CAMK2G: variants seen among roughly 807,000 people sequenced by gnomAD.
CAMK2G encodes calcium/calmodulin dependent protein kinase II gamma, also known as calcium/calmodulin-dependent protein kinase type II subunit gamma.
CAMK2G carries 23 observed loss-of-function variants against 88.7 expected under a neutral mutation model. The ratio of observed to expected loss-of-function variants is 0.26; its 90% CI spans 0.19 to 0.37. The LOEUF (loss-of-function observed/expected upper bound fraction) is 0.37. Ranked by LOEUF, CAMK2G falls within the 10% of genes least tolerant of loss-of-function variation. CAMK2G has a pLI of 1.00. For missense variants in CAMK2G, 476 were observed against 780.8 expected (o/e 0.61, Z 4.65); for synonymous variants, 263 against 294.8 (o/e 0.89, Z 1.11).
chr10:73,816,375 G>A, intron 21 of CAMK2G: 1 of 1,007,232 alleles, frequency 9.9e-7, no homozygotes, highest in Non-Finnish European at 1.2e-6. Flanking sequence ...CAGACACAGA[G>A]CTTAGTTCTT....
chr10:73,818,419 G>A, intron 19 of CAMK2G: 1 of 308,690 alleles, frequency 3.2e-6, no homozygotes, highest in Non-Finnish European at 6.5e-6. Flanking sequence ...ACCAGCAGGG[G>A]CTGCCACCAG....
chr10:73,821,359 G>A (rs934138564), intron 18 of CAMK2G, among the ~76,000 whole-genome samples: 4 of 152,288 alleles, frequency 2.6e-5, no homozygotes, highest in Non-Finnish European at 4.4e-5. Flanking sequence ...TACTTCGGCA[G>A]GGACTTGGGG....
Position 73,839,588 on chromosome 10 carries a change from G to C in CAMK2G, c.960C>G (p.Ser320Arg). Residue 320 changes from serine to arginine, a missense_variant, in exon 13 of 23, where the codon AGC becomes AGG. By Grantham distance (110) the Ser-to-Arg change is moderately radical. Transcript: ENST00000423381. The surrounding 1 kb of genome is among the most constrained non-coding windows in gnomAD (Gnocchi z 4.2). ...TCGCGGCAGGCGAGGCGGGGGCGGAGCTCTGCCTGCCAACTGAGGGGATAC... is the reference window on the plus strand; with the variant it reads ...TCGCGGCAGGCGAGGCGGGGGCGGACCTCTGCCTGCCAACTGAGGGGATAC... ...VSRNFSVGRQ[S>R]SAPASPAASA... 1 of 1,233,488 alleles carries C rather than the reference G, an allele frequency of 8.1e-7. No individual in the cohort carries two copies. The allele number at this position is 1,233,488 out of a possible 1,614,324, so 76.4% of individuals were successfully genotyped here. A position where few individuals can be genotyped will look rare whatever the true frequency, so the allele number is the denominator to read the frequency against.
chr10:73,814,625 G>C lies in CAMK2G; in HGVS notation c.*13-120C>G, dbSNP rs551469884. On this transcript the variant is annotated intron_variant, in intron 22 of 22. Transcript: ENST00000423381. ...CGGCCTGAGAAGGTGGGGAAAGTGG[G>C]TGAAGCTAATGCTTAAATACAAAAC... is the stretch of plus-strand genomic sequence containing the variant. The C allele has an allele frequency of 5.3e-5, 11 of 206,836 alleles. No individual in the cohort carries two copies. The South Asian group carries it at 9.8e-4, about 18-fold the overall frequency. The allele number at this position is 206,836 out of a possible 1,614,324, so 12.8% of individuals were successfully genotyped here. A position where few individuals can be genotyped will look rare whatever the true frequency, so the allele number is the denominator to read the frequency against.
chr10:73,853,122 C>A, intron 4 of CAMK2G, 70 bp downstream of exon 4: 1 of 1,443,536 alleles, frequency 6.9e-7, no homozygotes, highest in Non-Finnish European at 9.8e-7. Flanking sequence ...CTGTTTAGGC[C>A]TCTTCCTGAG....
rs1308478175 is a variant in CAMK2G at position 73,824,042 on chromosome 10, T to C, written c.1198A>G (p.Lys400Glu). The C allele has an allele frequency of 6.2e-7, 1 of 1,612,990 alleles. No homozygotes were observed. The highest frequency in any genetic ancestry group is 1.1e-5 in the South Asian group (1 of 91,036). Residue 400 changes from lysine to glutamate, a missense_variant and splice_region_variant, in exon 17 of 23, where the codon AAG becomes GAG. Physicochemically the swap from Lys to Glu is moderately conservative, Grantham distance 56. This residue lies in a region of CAMK2G where 278 missense variants were observed against 366.5 expected (regional missense o/e 0.76). Coordinates refer to ENST00000423381, the MANE Select transcript of CAMK2G (RefSeq NM_001367534.1). Reference protein sequence around the residue: ...TVVHNATDGIKGSTESCNTTT... With the variant: ...TVVHNATDGIEGSTESCNTTT... ...AGGCAGGCTCAGGAGCCACTCACCTTGATCCCATCTGTAGCGTTGTGTACC... is the reference window on the plus strand; with the variant it reads ...AGGCAGGCTCAGGAGCCACTCACCTCGATCCCATCTGTAGCGTTGTGTACC...
rs201095465 is a variant in CAMK2G, at chr10:73,847,206, C to T, written c.819+19G>A. On this transcript the variant is annotated intron_variant, in intron 10 of 22. Transcript: ENST00000423381. ...GGCTGACACCCCTGAGCTCCTTGGC[C>T]ACTAGCAAAGACACTTACACAGACC... is the stretch of plus-strand genomic sequence containing the variant. 238 of 1,613,448 alleles carry T rather than the reference C, an allele frequency of 1.5e-4. No homozygotes were observed. The African/African-American group carries it at 2.6e-3, about 18-fold the overall frequency.
At chr10:73,844,102 T>A (rs889156549) in intron 10 of CAMK2G, among the ~76,000 whole-genome samples, 1 of 151,880 alleles carries the variant, frequency 6.6e-6, no homozygotes, top group Non-Finnish European at 1.5e-5. Context: ...AAAATTTTTT[T>A]TTTTTTTTGA....
At chr10:73,827,288 G>A (rs1439961042) in intron 15 of CAMK2G, among the ~76,000 whole-genome samples, 1 of 152,254 alleles carries the variant, frequency 6.6e-6, no homozygotes. Context: ...CTGGGTTCAC[G>A]CCATTCTCCT....
intron 21 of CAMK2G, chr10:73,816,006 G>A: frequency 1.0e-6 from 1 of 985,134 alleles, no homozygotes. Context: ...TTAGATAACA[G>A]AGAGTTTATA....
chr10:73,819,592 G>C lies in CAMK2G; in HGVS notation c.1303C>G (p.Arg435Gly). Residue 435 changes from arginine to glycine, a missense_variant, in exon 19 of 23, where the codon CGG becomes GGG. Coordinates refer to ENST00000423381, the MANE Select transcript of CAMK2G (RefSeq NM_001367534.1). ...GSSVPEGRSS[R>G]DRTAPSAGMQ... ...CCTGCAGAGGGGGCTGTTCTGTCCCGGGAGCTCCGTCCTTCAGGCACCGAG... is the reference window on the plus strand; with the variant it reads ...CCTGCAGAGGGGGCTGTTCTGTCCCCGGAGCTCCGTCCTTCAGGCACCGAG... 1 of 1,548,350 alleles carries C rather than the reference G, an allele frequency of 6.5e-7. No individual in the cohort carries two copies. The highest frequency in any genetic ancestry group is 2.4e-5 in the East Asian group (1 of 40,922).
In CAMK2G at chr10:73,838,852, T is replaced by G. The variant is rs571607310; in HGVS notation, c.1009+687A>C. Among the ~76,000 whole-genome samples, 51 of 152,320 alleles carry G rather than the reference T, an allele frequency of 3.3e-4. 1 individual carries two copies. In the South Asian group the frequency reaches 0.01, roughly 31 times the overall value. The stretch of plus-strand genomic sequence containing the variant: ...TATCTTATCCCTAAGGGTCTGATTT[T>G]ATTGTCTGGGGTGGGGTCCTGGCAT... On this transcript the variant is annotated intron_variant, in intron 13 of 22. Transcript: ENST00000423381.
At position 73,842,251 on chromosome 10, in the gene CAMK2G, T is replaced by C; in HGVS notation, c.904-40A>G. On this transcript the variant is annotated intron_variant, in intron 11 of 22. Coordinates refer to ENST00000423381, the MANE Select transcript of CAMK2G (RefSeq NM_001367534.1). The surrounding 1 kb of genome is among the most constrained non-coding windows in gnomAD (Gnocchi z 4.6). ...AGGTCCTGTGAATTCACTGAGACCCTAGAAAAGGGCAGGCTGGTCTCAGGC... is the reference window on the plus strand; with the variant it reads ...AGGTCCTGTGAATTCACTGAGACCCCAGAAAAGGGCAGGCTGGTCTCAGGC... The C allele has an allele frequency of 1.3e-6, 2 of 1,550,486 alleles. No individual in the cohort carries two copies. The highest frequency in any genetic ancestry group is 1.8e-6 in the Non-Finnish European group (2 of 1,121,946).
chr10:73,867,976 G>A (rs2095654985), intron 2 of CAMK2G, among the ~76,000 whole-genome samples: 1 of 152,206 alleles, frequency 6.6e-6, no homozygotes, highest in Non-Finnish European at 1.5e-5. Context: ...TCCTGCGGCA[G>A]ATCTGTCTGG....
intron 2 of CAMK2G, among the ~76,000 whole-genome samples, chr10:73,868,802 G>A (rs897284720): frequency 6.6e-6 from 1 of 152,162 alleles, no homozygotes; most frequent in Non-Finnish European, 1.5e-5. Context: ...CTAAGGGGGC[G>A]GGGACTCTCA....
rs781460184 is a variant in CAMK2G, at chr10:73,842,748, G to A, written c.820-207C>T. ...AAGGTTACATAAGGACAACATGAACGTGAGAACACCATAACGGATGCTAGA... is the reference window on the plus strand; with the variant it reads ...AAGGTTACATAAGGACAACATGAACATGAGAACACCATAACGGATGCTAGA... On this transcript the variant is annotated intron_variant, in intron 10 of 22. Transcript: ENST00000423381. This position sits in a 1 kb window ranked among gnomAD's most constrained non-coding sequence, Gnocchi z 4.6. 5.3e-5 allele frequency among the ~76,000 whole-genome samples: 8 copies of A among 152,206 alleles called. No individual in the cohort carries two copies. The highest frequency in any genetic ancestry group is 2.1e-4 in the South Asian group (1 of 4,834).
intron 21 of CAMK2G, chr10:73,815,746 G>C: frequency 1.1e-6 from 1 of 923,524 alleles, no homozygotes; most frequent in South Asian, 5.0e-5. Flanking sequence ...ATTCAAAATT[G>C]ATTTGTAATT....
rs754772373 is a variant in CAMK2G, at chr10:73,828,173, G to A, written c.1054-52C>T. 5.5e-6 allele frequency: 8 copies of A among 1,446,436 alleles called. No individual in the cohort carries two copies. In the Admixed American group the frequency reaches 8.4e-5, roughly 15 times the overall value. 89.6% of individuals were successfully genotyped at this position (1,446,436 alleles called of 1,614,324 possible). A position where few individuals can be genotyped will look rare whatever the true frequency, so the allele number is the denominator to read the frequency against. On this transcript the variant is annotated intron_variant, in intron 14 of 22. Coordinates refer to ENST00000423381, the MANE Select transcript of CAMK2G (RefSeq NM_001367534.1). ...GAGAAGGGGAAAGAGGAGGTAAGAA[G>A]AGAAGCACAGAGACGCTGCAGGTTA...
intron 3 of CAMK2G, among the ~76,000 whole-genome samples, chr10:73,853,762 C>T (rs1050137268): frequency 7.9e-5 from 12 of 152,176 alleles, no homozygotes; most frequent in South Asian, 2.1e-4. Flanking sequence ...TGGAAGGCCA[C>T]GCACACATTC....
Sources: allele counts gnomAD v4.1 joint callset (sites outside exome capture counted in the v4.1 genomes callset), GRCh38; gene constraint gnomAD v4.1.1; regional missense constraint gnomAD v4.1.1; non-coding constraint Gnocchi (gnomAD v3.1); transcripts MANE v1.5; gene names NCBI Gene and HGNC (gene_info 2026-07-23, HGNC 2026-07-21).